Variants in DGKB observed in about 807,000 individuals in gnomAD.
DGKB encodes the protein diacylglycerol kinase beta, also known as 90 kDa diacylglycerol kinase.
In DGKB, 67 loss-of-function variants were observed where a neutral mutation model predicts 114.3. That is an observed-to-expected ratio of 0.59 (90% CI 0.48 to 0.72). The LOEUF is 0.72. Ranked by LOEUF, DGKB falls within the 30% of genes least tolerant of loss-of-function variation. The probability of loss-of-function intolerance (pLI) is 0.00; values close to 1 mark genes in which losing one functional copy is unlikely to be tolerated. For missense variants in DGKB, 907 were observed against 975.2 expected (o/e 0.93, Z 0.93); for synonymous variants, 398 against 323.1 (o/e 1.23, Z -2.49).
At chr7:14,779,995 T>A (rs1376033545) in intron 2 of DGKB, among the ~76,000 whole-genome samples, 1 of 152,192 alleles carries the variant, frequency 6.6e-6, no homozygotes, top group Non-Finnish European at 1.5e-5. Flanking sequence ...AGATTCCTCT[T>A]CTTCTATATT....
chr7:14,498,691 G>A (rs1785666105), intron 20 of DGKB, among the ~76,000 whole-genome samples: 2 of 151,666 alleles, frequency 1.3e-5, no homozygotes, highest in South Asian at 4.1e-4. Flanking sequence ...AGTAGTAGTA[G>A]TACACTTTTT....
chr7:14,387,098 T>C (rs1475817615), intron 21 of DGKB, among the ~76,000 whole-genome samples: 3 of 72,218 alleles, frequency 4.2e-5, no homozygotes, highest in Non-Finnish European at 7.4e-5. Flanking sequence ...TTTCTTTTGA[T>C]TATTTATTTA....
intron 23 of DGKB, among the ~76,000 whole-genome samples, chr7:14,331,868 A>T (rs990679440): frequency 1.3e-5 from 2 of 152,172 alleles, no homozygotes; most frequent in African/African-American, 2.4e-5. Context: ...TAATAAAGTC[A>T]CTTGAGTAGA....
chr7:14,925,553 G>C (rs1330957977), intron 1 of DGKB, among the ~76,000 whole-genome samples: 1 of 151,950 alleles, frequency 6.6e-6, no homozygotes, highest in African/African-American at 2.4e-5. Context: ...GTCTTATTTA[G>C]GTCTTCTTTG....
intron 23 of DGKB, among the ~76,000 whole-genome samples, chr7:14,316,716 T>C (rs1362980712): frequency 6.0e-5 from 9 of 149,684 alleles, no homozygotes; most frequent in East Asian, 2.0e-4. Flanking sequence ...CAAGGAGGAA[T>C]TGGTACCATT....
At chr7:14,434,512 T>C (rs1046149040) in intron 21 of DGKB, among the ~76,000 whole-genome samples, 6 of 152,044 alleles carry the variant, frequency 3.9e-5, no homozygotes, top group African/African-American at 1.4e-4. Context: ...GCTTTGCAGA[T>C]AGAAGAAAAG....
intron 20 of DGKB, among the ~76,000 whole-genome samples, chr7:14,562,586 G>C (rs569749266): frequency 1.3e-5 from 2 of 152,330 alleles, no homozygotes; most frequent in Admixed American, 1.3e-4. Flanking sequence ...GTGTGACCTG[G>C]ATGTGAGACA....
chr7:14,899,434 G>A (rs1340732098), intron 1 of DGKB, among the ~76,000 whole-genome samples: 3 of 152,048 alleles, frequency 2.0e-5, no homozygotes, highest in Non-Finnish European at 4.4e-5. Flanking sequence ...CTTTATCTGT[G>A]ACTAAAGATC....
intron 14 of DGKB, among the ~76,000 whole-genome samples, chr7:14,629,400 A>T (rs1809260909): frequency 6.6e-6 from 1 of 152,004 alleles, no homozygotes; most frequent in South Asian, 2.1e-4. Context: ...AGAGGTCTAC[A>T]CTGATTAAAA....
chr7:14,384,971 A>G (rs941672695), intron 21 of DGKB, among the ~76,000 whole-genome samples: 1 of 152,230 alleles, frequency 6.6e-6, no homozygotes, highest in Non-Finnish European at 1.5e-5. Context: ...AGTTGTCAAT[A>G]ACAAAAAGGA....
intron 21 of DGKB, 39 bp downstream of exon 21, chr7:14,478,122 G>A (rs1357890521): frequency 2.8e-6 from 4 of 1,419,336 alleles, no homozygotes; most frequent in Middle Eastern, 3.5e-4. Context: ...GCAAAATTCA[G>A]CAACTATATC....
chr7:14,159,027 C>G (rs569003672), intron 25 of DGKB, among the ~76,000 whole-genome samples: 1 of 152,102 alleles, frequency 6.6e-6, no homozygotes, highest in East Asian at 1.9e-4. Context: ...CCAATTAATT[C>G]CCCACCTAGA....
intron 1 of DGKB, among the ~76,000 whole-genome samples, chr7:14,877,527 C>A (rs569397305): frequency 1.3e-5 from 2 of 152,256 alleles, no homozygotes; most frequent in South Asian, 4.2e-4. Context: ...TGCACTCCAG[C>A]CCGGGGAAAA....
chr7:14,234,950 C>G (rs1792533121), intron 23 of DGKB, among the ~76,000 whole-genome samples: 1 of 152,064 alleles, frequency 6.6e-6, no homozygotes, highest in Non-Finnish European at 1.5e-5. Flanking sequence ...CATTTCTGCT[C>G]TCTGTTTGAA....
chr7:14,604,534 G>C (rs535006688), intron 17 of DGKB, among the ~76,000 whole-genome samples: 4 of 152,090 alleles, frequency 2.6e-5, no homozygotes, highest in South Asian at 2.1e-4. Context: ...ACTTTCAAGA[G>C]TATGCATTCA....
Position 14,703,352 on chromosome 7 carries a change from T to C in DGKB, c.467-1622A>G, listed in dbSNP as rs182653678. 1.9e-3 allele frequency among the ~76,000 whole-genome samples: 286 copies of C among 152,300 alleles called. 2 individuals carry two copies. Among genetic ancestry groups the C allele is most frequent in the African/African-American group, 6.6e-3 (276 of 41,580 alleles). On this transcript the variant is annotated intron_variant, in intron 6 of 25. Coordinates refer to ENST00000402815, the MANE Select transcript of DGKB (RefSeq NM_001350709.2). Reference sequence around the variant, plus strand: ...AAACCCTGTTCTGATTTGTTGACCTTAATGGGAACATGAACTCAAAGAAAC... The same window carrying C: ...AAACCCTGTTCTGATTTGTTGACCTCAATGGGAACATGAACTCAAAGAAAC...
chr7:14,404,556 T>C lies in DGKB; in HGVS notation c.1836-59165A>G, dbSNP rs546816213. On this transcript the variant is annotated intron_variant, in intron 21 of 25. Transcript: ENST00000402815. ...TAATCCAGTTGCATGAAATTAACAT[T>C]TACCGAGTAGCCACTCTGTGCCAGA... Among the ~76,000 whole-genome samples the C allele has an allele frequency of 4.6e-4, 70 of 152,040 alleles. 1 individual carries two copies. Among genetic ancestry groups the C allele is most frequent in the Non-Finnish European group, 2.8e-4 (19 of 67,922 alleles).
chr7:14,295,705 A>T (rs1370348821), intron 23 of DGKB, among the ~76,000 whole-genome samples: 6 of 152,064 alleles, frequency 3.9e-5, no homozygotes, highest in Admixed American at 2.6e-4. Flanking sequence ...AAGACTTTTT[A>T]AAAAATTATT....
At chr7:14,319,465 G>A (rs921226836) in intron 23 of DGKB, among the ~76,000 whole-genome samples, 2 of 151,914 alleles carry the variant, frequency 1.3e-5, no homozygotes, top group African/African-American at 4.8e-5. Context: ...ACATGTAATA[G>A]GTTTATTAAG....
Sources: allele counts gnomAD v4.1 joint callset (sites outside exome capture counted in the v4.1 genomes callset), GRCh38; gene constraint gnomAD v4.1.1; transcripts MANE v1.5; gene names NCBI Gene and HGNC (gene_info 2026-07-23, HGNC 2026-07-21).